The following COPB2 variants were observed in gnomAD, a reference collection of about 807,000 sequenced individuals.
COPB2 encodes coat protein complex I subunit beta 2.
A neutral mutation model predicts 120.8 loss-of-function variants in COPB2; 16 were observed. That is an observed-to-expected ratio of 0.13 (90% confidence interval 0.09 to 0.20). The LOEUF (loss-of-function observed/expected upper bound fraction) is 0.20, where lower values mean the gene tolerates loss of function less well. COPB2 is among the 10% of genes least tolerant of loss of function. The probability of loss-of-function intolerance (pLI) is 1.00; values close to 1 mark genes in which losing one functional copy is unlikely to be tolerated. For synonymous variants in COPB2, 332 were observed against 366.3 expected, an observed-to-expected ratio of 0.91 and a Z score of 1.07; for missense variants, 794 against 1,076.5, an observed-to-expected ratio of 0.74 and a Z score of 3.67.
chr3:139,370,669 A>G (rs1468433615), intron 10 of COPB2, among the ~76,000 whole-genome samples: 1 of 152,216 alleles, frequency 6.6e-6, no homozygotes, highest in Non-Finnish European at 1.5e-5. Flanking sequence ...TGTGGCTATC[A>G]CTGGATATTT....
At chr3:139,388,478 G>C (rs1941975532) in intron 1 of COPB2, 2 of 118,106 alleles carry the variant, frequency 1.7e-5, no homozygotes, top group East Asian at 6.1e-4. Context: ...ATTTTCCCTG[G>C]GAGTATTCCT....
At position 139,376,743 on chromosome 3, in the gene COPB2, A is replaced by T. The variant is rs182033947; in HGVS notation, c.505-1129T>A. ...CAATGCATATGGAAATATTTTAATT[A>T]ATTAATTAATTTATTTATTTATTTG... is the stretch of plus-strand genomic sequence containing the variant. On this transcript the variant is annotated intron_variant, in intron 5 of 21. Coordinates refer to ENST00000333188, the MANE Select transcript of COPB2 (RefSeq NM_004766.3). Among the ~76,000 whole-genome samples, 670 of 152,274 alleles carry T rather than the reference A, an allele frequency of 4.4e-3. 3 individuals are homozygous for T. The highest frequency in any genetic ancestry group is 0.013 in the South Asian group (62 of 4,832).
At chr3:139,383,511 T>C in intron 1 of COPB2, 76 bp from the exon 2 acceptor site, 1 of 1,310,220 alleles carries the variant, frequency 7.6e-7, no homozygotes, top group Admixed American at 3.2e-5. Context: ...AATAAGTGCA[T>C]GAATAGGCCT....
chr3:139,379,570 T>C, intron 2 of COPB2, 104 bp from the exon 3 acceptor site: 1 of 894,692 alleles, frequency 1.1e-6, no homozygotes, highest in East Asian at 2.6e-5. Flanking sequence ...ACTTCTCATT[T>C]TAGTATATTC....
At chr3:139,369,158 C>T (rs773720783) in intron 12 of COPB2, 103 bp downstream of exon 12, 5 of 747,882 alleles carry the variant, frequency 6.7e-6, no homozygotes, top group East Asian at 2.6e-5. Flanking sequence ...TTTTGATAAT[C>T]GAAGAGGGAG....
intron 2 of COPB2, chr3:139,383,082 A>T (rs1941843272): frequency 1.8e-6 from 1 of 561,000 alleles, no homozygotes; most frequent in Non-Finnish European, 3.1e-6. Flanking sequence ...CAGAGTTGTT[A>T]TATTTAAATA....
chr3:139,359,298 G>C lies in COPB2; in HGVS notation c.2275C>G (p.Arg759Gly), dbSNP rs779790878. Residue 759 changes from arginine (R) to glycine (G), a missense_variant, in exon 18 of 22, where the codon CGA (arginine) becomes GGA (glycine). This residue lies in a region of COPB2 where 178 missense variants were observed against 183.2 expected (regional missense o/e 0.97). Coordinates refer to ENST00000333188, the MANE Select transcript of COPB2 (RefSeq NM_004766.3). ...GRLPEAAFLARTYLPSQVSRV... is the reference protein window; with the variant it reads ...GRLPEAAFLAGTYLPSQVSRV... ...GAAACCTGACTGGGTAAGTAAGTTC[G>C]GGCCAAGAAGGCAGCTTCTGGCAGC... 2.5e-6 allele frequency: 4 copies of C among 1,613,964 alleles called. No individual in the cohort carries two copies. The highest frequency in any genetic ancestry group is 3.4e-6 in the Non-Finnish European group (4 of 1,179,986).
At position 139,373,390 on chromosome 3, in the gene COPB2, A is replaced by G; in HGVS notation, c.917T>C (p.Met306Thr). The change falls in exon 9 of 22, where the codon ATG becomes ACG. Residue 306 changes from methionine (M) to threonine (T), a missense_variant. Met to Thr is a moderately conservative substitution (Grantham distance 81, BLOSUM62 -1). Transcript: ENST00000333188. ...TATCTTTCCATTGGCATCCATGGAC[A>G]TGGCAGGTTCCTCCCGACCAAGCTG... ...IVKLGREEPA[M>T]SMDANGKIIW... 6.2e-7 allele frequency: 1 copy of G among 1,614,180 alleles called. No individual in the cohort carries two copies. The highest frequency in any genetic ancestry group is 8.5e-7 in the Non-Finnish European group (1 of 1,180,030).
rs1252224778 is a variant in COPB2, at chr3:139,359,151, G to A, written c.2331C>T (p.Leu777=). Residue 777 remains leucine (L), a synonymous_variant, in exon 19 of 22, where the codon CTC becomes CTT. Transcript: ENST00000333188. ...CTGCTGCTTTCTGATTGACTTTTGA[G>A]AGATTCTCTCTCCAGAGTTTCACTA... ...SRVVKLWREN[L]SKVNQKAAES... 5.6e-6 allele frequency: 9 copies of A among 1,613,714 alleles called. No individual in the cohort carries two copies. The East Asian group carries it at 8.9e-5, about 16-fold the overall frequency.
chr3:139,375,693 T>C, intron 5 of COPB2, 79 bp from the exon 6 acceptor site: 8 of 1,453,484 alleles, frequency 5.5e-6, no homozygotes, highest in Non-Finnish European at 7.4e-6. Context: ...TTCTGACACA[T>C]TATGTAAAAT....
chr3:139,366,534 T>TA, intron 15 of COPB2, 34 bp downstream of exon 15: 2 of 1,556,894 alleles, frequency 1.3e-6, no homozygotes, highest in Non-Finnish European at 1.7e-6. Context: ...TTGCAAGTTT[T>TA]AAAAAACAAA....
intron 19 of COPB2, 78 bp from the exon 20 acceptor site, chr3:139,358,890 A>C (rs1303197521): frequency 6.5e-7 from 1 of 1,547,438 alleles, no homozygotes. Context: ...TAAATCCCAG[A>C]TATCAGCTCT....
At chr3:139,358,507 T>C (rs1941338029) in intron 20 of COPB2, 1 of 598,806 alleles carries the variant, frequency 1.7e-6, no homozygotes, top group African/African-American at 1.9e-5. Flanking sequence ...TGAAACCCTG[T>C]CTCTAATAAA....
At chr3:139,377,406 T>A (rs1941732785) in intron 5 of COPB2, among the ~76,000 whole-genome samples, 3 of 152,118 alleles carry the variant, frequency 2.0e-5, no homozygotes, top group African/African-American at 7.2e-5. Flanking sequence ...GGAAAATATA[T>A]CAAAATAGGA....
intron 4 of COPB2, 51 bp from the exon 5 acceptor site, chr3:139,378,240 ATAACTAAGACACAGTCTTTAG>A (rs781609241): frequency 6.7e-7 from 1 of 1,483,968 alleles, no homozygotes; most frequent in Non-Finnish European, 9.2e-7. Context: ...TTTTCACTTC[ATAACTAAGACACAGTCTTTAG>A]AAGAAGCAAA....
chr3:139,368,336 A>G, intron 12 of COPB2, 48 bp from the exon 13 acceptor site: 2 of 1,566,964 alleles, frequency 1.3e-6, no homozygotes, highest in Middle Eastern at 1.7e-4. Context: ...TTCTGAGTGG[A>G]TATGACAAAC....
chr3:139,362,563 G>A (rs750382905), intron 15 of COPB2, 46 bp from the exon 16 acceptor site: 1 of 1,227,958 alleles, frequency 8.1e-7, no homozygotes, highest in South Asian at 1.4e-5. Context: ...ATACAAAAAT[G>A]TATGTATGTT....
At chr3:139,367,323 G>A (rs1198621723) in intron 13 of COPB2, among the ~76,000 whole-genome samples, 178 bp from the exon 14 acceptor site, 3 of 146,222 alleles carry the variant, frequency 2.1e-5, no homozygotes, top group Non-Finnish European at 3.0e-5. Context: ...TGAAGTCTCT[G>A]TTGCCCAGGC....
intron 9 of COPB2, among the ~76,000 whole-genome samples, chr3:139,372,555 T>C (rs1269520627): frequency 1.3e-5 from 2 of 152,248 alleles, no homozygotes; most frequent in East Asian, 1.9e-4. Flanking sequence ...CAAATAATTA[T>C]GGATACCATT....
Sources: gnomAD v4.1 joint callset for allele counts (sites outside exome capture counted in the v4.1 genomes callset) on GRCh38, gnomAD v4.1.1 for gene constraint, gnomAD v4.1.1 regional missense constraint, MANE v1.5 for transcripts, NCBI Gene and HGNC (gene_info 2026-07-23, HGNC 2026-07-21) for gene names.